Variants in ATP2B2 observed in about 807,000 individuals in gnomAD.
The protein encoded by ATP2B2 is ATPase plasma membrane Ca2+ transporting 2.
ATP2B2 carries 15 observed loss-of-function variants against 120.0 expected under a neutral mutation model. The ratio of observed to expected loss-of-function variants is 0.12; its 90% CI spans 0.08 to 0.19. ATP2B2 has a LOEUF of 0.19. Ranked by LOEUF, ATP2B2 falls within the 10% of genes least tolerant of loss-of-function variation. The probability of loss-of-function intolerance (pLI) is 1.00; values close to 1 mark genes in which losing one functional copy is unlikely to be tolerated. For missense variants in ATP2B2, 1,045 were observed against 1,719.8 expected (o/e 0.61, Z 6.94); for synonymous variants, 694 against 700.3 (o/e 0.99, Z 0.14).
At chr3:10,420,726 G>A (rs1186902026) in intron 2 of ATP2B2, among the ~76,000 whole-genome samples, 2 of 152,214 alleles carry the variant, frequency 1.3e-5, no homozygotes, top group East Asian at 3.8e-4. Context: ...AGAGTTAAAC[G>A]AGGTCGCATC....
At chr3:10,646,199 A>G (rs1226804895) in intron 1 of ATP2B2, among the ~76,000 whole-genome samples, 1 of 151,684 alleles carries the variant, frequency 6.6e-6, no homozygotes, top group African/African-American at 2.4e-5. Flanking sequence ...ATCGCTAAAG[A>G]CTCCTAGGTT....
Position 10,324,450 on chromosome 3 carries a change from C to G in ATP2B2, c.*4364G>C, listed in dbSNP as rs1195481582. 4 of 152,188 alleles carry G rather than the reference C, an allele frequency of 2.6e-5. No individual in the cohort carries two copies. In the East Asian group the frequency reaches 7.7e-4, roughly 29 times the overall value. The allele number at this position is 152,188 out of a possible 1,614,324, so 9.4% of individuals were successfully genotyped here. ...TCCCCCACCTGGGTTGGTATGATCT[C>G]TACATTAAAATCAGGAGAGCTTGGT... is the stretch of plus-strand genomic sequence containing the variant. On this transcript the variant is annotated 3_prime_UTR_variant, in exon 23 of 23. Coordinates refer to ENST00000360273, the MANE Select transcript of ATP2B2 (RefSeq NM_001001331.4).
intron 1 of ATP2B2, among the ~76,000 whole-genome samples, chr3:10,674,969 C>T (rs1326095530): frequency 1.3e-5 from 2 of 152,196 alleles, no homozygotes; most frequent in East Asian, 1.9e-4. Flanking sequence ...TTTATTTAGT[C>T]TCCTTCAATT....
chr3:10,351,512 C>G (rs1574983381), intron 14 of ATP2B2, among the ~76,000 whole-genome samples: 2 of 152,322 alleles, frequency 1.3e-5, no homozygotes, highest in South Asian at 4.1e-4. Context: ...CTGACGTTCC[C>G]TCCCTGCACA....
chr3:10,551,201 C>T (rs906039729), intron 2 of ATP2B2, among the ~76,000 whole-genome samples: 1 of 152,258 alleles, frequency 6.6e-6, no homozygotes, highest in Non-Finnish European at 1.5e-5. Context: ...CCTCCTGGAG[C>T]TCAGCTCCTA....
intron 2 of ATP2B2, among the ~76,000 whole-genome samples, chr3:10,554,780 G>A (rs1357915804): frequency 6.6e-6 from 1 of 152,202 alleles, no homozygotes; most frequent in Non-Finnish European, 1.5e-5. Flanking sequence ...ATCACATTTA[G>A]CTTTTTGGAG....
intron 2 of ATP2B2, among the ~76,000 whole-genome samples, chr3:10,534,944 T>A (rs1204712078): frequency 7.5e-6 from 1 of 132,742 alleles, no homozygotes; most frequent in Non-Finnish European, 1.6e-5. Flanking sequence ...CACTCTGTCA[T>A]CCAGGCTGGA....
intron 2 of ATP2B2, among the ~76,000 whole-genome samples, chr3:10,545,042 C>T (rs140837155): frequency 6.6e-6 from 1 of 152,268 alleles, no homozygotes; most frequent in East Asian, 1.9e-4. Context: ...GGGAATATTG[C>T]ACAGCTACGA....
chr3:10,672,237 C>T (rs1575610428), intron 1 of ATP2B2, among the ~76,000 whole-genome samples: 1 of 152,316 alleles, frequency 6.6e-6, no homozygotes, highest in African/African-American at 2.4e-5. Context: ...TTTCCAACCT[C>T]CTGGCGCTCC....
chr3:10,658,279 A>G (rs529980178), intron 1 of ATP2B2, among the ~76,000 whole-genome samples: 92 of 152,346 alleles, frequency 6.0e-4, no homozygotes, highest in Non-Finnish European at 1.2e-3. Flanking sequence ...AGAAGGCTTC[A>G]GATGATCAAA....
chr3:10,660,468 A>G (rs1411004032), intron 1 of ATP2B2, among the ~76,000 whole-genome samples: 2 of 152,188 alleles, frequency 1.3e-5, no homozygotes, highest in Admixed American at 6.5e-5. Context: ...TACAAGAAAC[A>G]CCTCTACACA....
intron 2 of ATP2B2, among the ~76,000 whole-genome samples, chr3:10,580,745 G>A (rs892646977): frequency 1.3e-5 from 2 of 152,200 alleles, no homozygotes; most frequent in Non-Finnish European, 2.9e-5. Context: ...GCATTTCAGA[G>A]ATCACATAGG....
chr3:10,434,927 C>G (rs186497804), intron 2 of ATP2B2, among the ~76,000 whole-genome samples: 2 of 152,240 alleles, frequency 1.3e-5, no homozygotes, highest in African/African-American at 2.4e-5. Context: ...ATATTTGGGC[C>G]TGAGCCCCAG....
At chr3:10,671,553 CTTTA>C (rs2071097078) in intron 1 of ATP2B2, among the ~76,000 whole-genome samples, 1 of 152,076 alleles carries the variant, frequency 6.6e-6, no homozygotes, top group Admixed American at 6.5e-5. Flanking sequence ...GTCTGAGAGT[CTTTA>C]TTTATGGAAT....
At chr3:10,616,595 T>TA (rs1246192796) in intron 2 of ATP2B2, among the ~76,000 whole-genome samples, 10 of 152,124 alleles carry the variant, frequency 6.6e-5, no homozygotes, top group Admixed American at 1.3e-4. Context: ...TGGCTTTGAA[T>TA]AAAAAAATTT....
At chr3:10,605,971 A>G (rs1326583165) in intron 2 of ATP2B2, among the ~76,000 whole-genome samples, 1 of 152,060 alleles carries the variant, frequency 6.6e-6, no homozygotes, top group East Asian at 1.9e-4. Context: ...TTTTAAAATC[A>G]GTTGGCTGTG....
At chr3:10,435,346 G>A (rs1396351889) in intron 2 of ATP2B2, among the ~76,000 whole-genome samples, 1 of 152,104 alleles carries the variant, frequency 6.6e-6, no homozygotes, top group East Asian at 1.9e-4. Context: ...TTCTCATTGA[G>A]GGGGTGGTAT....
Position 10,328,580 on chromosome 3 carries a change from C to T in ATP2B2, c.*234G>A, listed in dbSNP as rs761803296. ...TTGTTTTGGGAAAACCGCTCACTCC[C>T]GTAAGCCCCCAGTGGAGATCCCGCC... On this transcript the variant is annotated 3_prime_UTR_variant, in exon 23 of 23. Transcript: ENST00000360273. 47 of 558,766 alleles carry T rather than the reference C, an allele frequency of 8.4e-5. No homozygotes were observed. The highest frequency in any genetic ancestry group is 4.8e-4 in the Middle Eastern group (1 of 2,092). The allele number at this position is 558,766 out of a possible 1,614,324, so 34.6% of individuals were successfully genotyped here.
At chr3:10,693,967 GTCTT>G (rs2071706230) in intron 1 of ATP2B2, among the ~76,000 whole-genome samples, 1 of 152,198 alleles carries the variant, frequency 6.6e-6, no homozygotes, top group African/African-American at 2.4e-5. Context: ...GAGCACCTGT[GTCTT>G]TATTTATAAC....
Sources: allele counts gnomAD v4.1 joint callset (sites outside exome capture counted in the v4.1 genomes callset), GRCh38; gene constraint gnomAD v4.1.1; transcripts MANE v1.5; gene names NCBI Gene and HGNC (gene_info 2026-07-23, HGNC 2026-07-21).